The following COLQ variants were observed in gnomAD, a reference collection of about 807,000 sequenced individuals.
COLQ encodes the protein collagen like tail subunit of asymmetric acetylcholinesterase, also known as acetylcholinesterase collagenic tail peptide.
In COLQ, 48 loss-of-function variants were observed where a neutral mutation model predicts 69.0. The observed-to-expected ratio is 0.70, with a 90% CI of 0.55 to 0.88. COLQ has a LOEUF of 0.88. Ranked by LOEUF, COLQ falls within the 40% of genes least tolerant of loss-of-function variation. The probability of loss-of-function intolerance (pLI) is 0.00; values close to 1 mark genes in which losing one functional copy is unlikely to be tolerated. For missense variants in COLQ, 618 were observed against 594.6 expected (o/e 1.04, Z -0.41); for synonymous variants, 217 against 211.2 (o/e 1.03, Z -0.24).
intron 12 of COLQ, among the ~76,000 whole-genome samples, chr3:15,459,631 A>G (rs1005808796): frequency 6.6e-6 from 1 of 151,520 alleles, no homozygotes; most frequent in African/African-American, 2.4e-5. Flanking sequence ...GGCACGTGCC[A>G]TCAGGTTTGG....
intron 15 of COLQ, among the ~76,000 whole-genome samples, chr3:15,454,752 C>A (rs1231032593): frequency 1.3e-5 from 2 of 150,386 alleles, no homozygotes; most frequent in Admixed American, 1.3e-4. Context: ...AACCCCTGGG[C>A]TCAAATCATC....
At chr3:15,517,698 A>G (rs1301047814) in intron 1 of COLQ, among the ~76,000 whole-genome samples, 1 of 152,202 alleles carries the variant, frequency 6.6e-6, no homozygotes, top group African/African-American at 2.4e-5. Flanking sequence ...ATTACCCACC[A>G]ATGGTTAACG....
Position 15,481,119 on chromosome 3 carries a change from G to T in COLQ, c.322-1737C>A, listed in dbSNP as rs2062476562. Among the ~76,000 whole-genome samples the T allele has an allele frequency of 3.3e-5, 5 of 152,284 alleles. No individual in the cohort carries two copies. In the South Asian group the frequency reaches 1.0e-3, roughly 32 times the overall value. ...TGGATATTAGCCCTTTGTCAGATGG[G>T]TAGATTGTAAAAATTTTCTCCCATT... On this transcript the variant is annotated intron_variant, in intron 3 of 16. Transcript: ENST00000383788.
chr3:15,505,412 C>A (rs976241873), intron 1 of COLQ, among the ~76,000 whole-genome samples: 1 of 152,222 alleles, frequency 6.6e-6, no homozygotes, highest in African/African-American at 2.4e-5. Flanking sequence ...CTCCTTTGCA[C>A]ACACAGAGTC....
At chr3:15,513,928 T>C (rs1356826466) in intron 1 of COLQ, among the ~76,000 whole-genome samples, 2 of 152,220 alleles carry the variant, frequency 1.3e-5, no homozygotes, top group Non-Finnish European at 2.9e-5. Context: ...CCTGGATTAC[T>C]TGGGTGGCCC....
At chr3:15,481,346 TTAAG>T (rs1479791441) in intron 3 of COLQ, among the ~76,000 whole-genome samples, 1 of 152,224 alleles carries the variant, frequency 6.6e-6, no homozygotes, top group Non-Finnish European at 1.5e-5. Context: ...GGTCTAACAT[TTAAG>T]TATTTAATCC....
rs928053469 is a variant in COLQ, at chr3:15,513,736, T to G, written c.106+7784A>C. Reference sequence around the variant, plus strand: ...ACAGTACACACCACGGTGCCTTTGATTCTGATGTCACTTTAACAAAACACT... The same window carrying G: ...ACAGTACACACCACGGTGCCTTTGAGTCTGATGTCACTTTAACAAAACACT... On this transcript the variant is annotated intron_variant, in intron 1 of 16. Transcript: ENST00000383788. Among the ~76,000 whole-genome samples the G allele has an allele frequency of 2.0e-5, 3 of 152,316 alleles. No individual in the cohort carries two copies. The East Asian group carries it at 5.8e-4, about 29-fold the overall frequency.
intron 1 of COLQ, among the ~76,000 whole-genome samples, chr3:15,513,924 T>C (rs1475378851): frequency 6.6e-6 from 1 of 152,164 alleles, no homozygotes; most frequent in African/African-American, 2.4e-5. Context: ...TCATCCTGGA[T>C]TACTTGGGTG....
At chr3:15,520,516 G>A (rs1472528764) in intron 1 of COLQ, among the ~76,000 whole-genome samples, 1 of 152,206 alleles carries the variant, frequency 6.6e-6, no homozygotes, top group Non-Finnish European at 1.5e-5. Flanking sequence ...AGCAAAGGCA[G>A]CGATAGTGAA....
intron 1 of COLQ, among the ~76,000 whole-genome samples, chr3:15,499,138 C>T (rs949441261): frequency 1.3e-5 from 2 of 151,648 alleles, no homozygotes; most frequent in Non-Finnish European, 2.9e-5. Context: ...CAAAGCTAAA[C>T]GTAACTAAAA....
At chr3:15,521,368 G>T in intron 1 of COLQ, 152 bp downstream of exon 1, 1 of 1,001,210 alleles carries the variant, frequency 1.0e-6, no homozygotes. Context: ...AAGCTCGGGT[G>T]ACAGGAAGCT....
At chr3:15,508,435 C>T (rs936445576) in intron 1 of COLQ, among the ~76,000 whole-genome samples, 1 of 152,132 alleles carries the variant, frequency 6.6e-6, no homozygotes, top group African/African-American at 2.4e-5. Context: ...GGGTTGTCTC[C>T]CTGTCTTGAT....
intron 1 of COLQ, among the ~76,000 whole-genome samples, chr3:15,505,926 A>G (rs546764478): frequency 3.9e-5 from 6 of 152,250 alleles, no homozygotes; most frequent in African/African-American, 1.2e-4. Flanking sequence ...TCCTTTCCCT[A>G]GATCCATCCC....
rs1441055525 is a variant in COLQ at position 15,477,155 on chromosome 3, T to A, written c.436A>T (p.Ile146Phe). Residue 146 changes from isoleucine to phenylalanine, a missense_variant, in exon 6 of 17, where the codon ATC (isoleucine) becomes TTC (phenylalanine). Transcript: ENST00000383788. ...PPGVPGMPGP[I>F]GWPGPEGPRG... ...GGTCCTTCAGGGCCTGGCCAACCGA[T>A]GGGCCCAGGCATGCCAGGAACACCT... 6.2e-7 allele frequency: 1 copy of A among 1,606,756 alleles called. No homozygotes were observed. The highest frequency in any genetic ancestry group is 8.5e-7 in the Non-Finnish European group (1 of 1,177,116).
Position 15,455,812 on chromosome 3 carries a change from G to A in COLQ, c.1195+87C>T, listed in dbSNP as rs1194027922. On this transcript the variant is annotated intron_variant, in intron 15 of 16. Transcript: ENST00000383788. ...TCTCTGGCTCTAGAAAGGTCCCAAA[G>A]CACCACAGCTGGTGTCCAGGGCTGG... 15 of 1,572,246 alleles carry A rather than the reference G, an allele frequency of 9.5e-6. No homozygotes were observed. In the East Asian group the frequency reaches 3.0e-4, roughly 31 times the overall value.
At chr3:15,499,525 T>C (rs867002557) in intron 1 of COLQ, among the ~76,000 whole-genome samples, 3 of 152,194 alleles carry the variant, frequency 2.0e-5, no homozygotes, top group Non-Finnish European at 2.9e-5. Flanking sequence ...CATGAAGGAA[T>C]GAGATTGGTC....
intron 11 of COLQ, chr3:15,467,635 G>A: frequency 2.9e-6 from 1 of 339,450 alleles, no homozygotes; most frequent in Non-Finnish European, 5.8e-6. Flanking sequence ...GCTGGTGCAT[G>A]CTATTGACTC....
At chr3:15,474,824 G>T in intron 8 of COLQ, 101 bp downstream of exon 8, 1 of 1,353,902 alleles carries the variant, frequency 7.4e-7, no homozygotes, top group South Asian at 1.2e-5. Flanking sequence ...GGCTTCAGTT[G>T]CAGACTAAAG....
chr3:15,506,254 T>G (rs17484668), intron 1 of COLQ, among the ~76,000 whole-genome samples: 20,133 of 152,180 alleles, frequency 0.13, 1,456 homozygotes, highest in East Asian at 0.18. Flanking sequence ...CCTTGCTGCT[T>G]TGGATCTAAG....
Sources: gnomAD v4.1 joint callset for allele counts (sites outside exome capture counted in the v4.1 genomes callset) on GRCh38, gnomAD v4.1.1 for gene constraint, MANE v1.5 for transcripts, NCBI Gene and HGNC (gene_info 2026-07-23, HGNC 2026-07-21) for gene names.